JMJD1C: variants seen among roughly 807,000 people sequenced by gnomAD.
The protein encoded by JMJD1C is jumonji domain-containing protein 1C.
Under a neutral mutation model 245.3 loss-of-function variants are expected in JMJD1C, and 31 were observed. The observed-to-expected ratio is 0.13, with a 90% confidence interval of 0.09 to 0.17. The LOEUF is 0.17. JMJD1C is among the 10% of genes least tolerant of loss of function. The pLI, the probability that JMJD1C is intolerant of heterozygous loss-of-function variation, is 1.00. For synonymous variants in JMJD1C, 1,057 were observed against 1,017.4 expected (o/e 1.04, Z -0.74); for missense variants, 2,691 against 3,000.2 (o/e 0.90, Z 2.41).
At chr10:63,236,235 T>C (rs1850717322) in intron 3 of JMJD1C, among the ~76,000 whole-genome samples, 1 of 152,160 alleles carries the variant, frequency 6.6e-6, no homozygotes, top group Non-Finnish European at 1.5e-5. Flanking sequence ...CTGAAACCTA[T>C]CTTTCATAAC....
At chr10:63,495,463 A>G (rs1157840649) in intron 1 of JMJD1C, among the ~76,000 whole-genome samples, 2 of 151,990 alleles carry the variant, frequency 1.3e-5, no homozygotes, top group Non-Finnish European at 2.9e-5. Context: ...ACTCTAAGGA[A>G]ACAGTTCATT....
intron 3 of JMJD1C, among the ~76,000 whole-genome samples, chr10:63,247,137 ACAG>A (rs1852325130): frequency 6.6e-6 from 1 of 151,170 alleles, no homozygotes; most frequent in Non-Finnish European, 1.5e-5. Context: ...AAAACAAAAA[ACAG>A]AAGAAAATTT....
intron 1 of JMJD1C, among the ~76,000 whole-genome samples, chr10:63,506,124 A>G (rs1210820213): frequency 6.6e-6 from 1 of 152,212 alleles, no homozygotes; most frequent in Non-Finnish European, 1.5e-5. Context: ...GCCAAAATTT[A>G]TTAACATGTG....
intron 3 of JMJD1C, among the ~76,000 whole-genome samples, chr10:63,263,702 C>T (rs752377930): frequency 5.3e-5 from 8 of 151,976 alleles, no homozygotes; most frequent in Non-Finnish European, 5.9e-5. Context: ...GAGGCCGAGG[C>T]GGGCAGACCA....
intron 3 of JMJD1C, among the ~76,000 whole-genome samples, chr10:63,221,679 C>A (rs1848611634): frequency 6.6e-6 from 1 of 152,190 alleles, no homozygotes; most frequent in South Asian, 2.1e-4. Flanking sequence ...TTAATGCACA[C>A]CAGCTGACAG....
chr10:63,411,750 G>A lies in JMJD1C; in HGVS notation c.169-31268C>T, dbSNP rs920449587. Among the ~76,000 whole-genome samples, 8 of 151,534 alleles carry A rather than the reference G, an allele frequency of 5.3e-5. No individual in the cohort carries two copies. The South Asian group carries it at 8.3e-4, about 16-fold the overall frequency. ...CCTAAGTAGCTGGGACTACAGGTGC[G>A]TGCCACCATGCCCAGCTAAGTTTTT... On this transcript the variant is annotated intron_variant, in intron 1 of 25. Coordinates refer to ENST00000399262, the MANE Select transcript of JMJD1C (RefSeq NM_032776.3).
intron 1 of JMJD1C, among the ~76,000 whole-genome samples, chr10:63,477,117 G>C (rs1436493212): frequency 3.9e-5 from 6 of 152,086 alleles, no homozygotes; most frequent in Non-Finnish European, 8.8e-5. Context: ...CCATGCATCA[G>C]TATTAATAAT....
In JMJD1C at chr10:63,281,128, G is replaced by A. The variant is rs372874737; in HGVS notation, c.334-16364C>T. Among the ~76,000 whole-genome samples the A allele has an allele frequency of 3.5e-4, 50 of 142,518 alleles. 1 individual carries two copies. In the South Asian group the frequency reaches 9.7e-3, roughly 28 times the overall value. 93.5% of individuals were successfully genotyped at this position (142,518 alleles called of 152,430 possible). A position where few individuals can be genotyped will look rare whatever the true frequency, so the allele number is the denominator to read the frequency against. ...ATTACAGGCGTGAGCCACCACACCCGGCCTTTTTTTTTTTTTTTTTGAGAT... is the reference window on the plus strand; with the variant it reads ...ATTACAGGCGTGAGCCACCACACCCAGCCTTTTTTTTTTTTTTTTTGAGAT... On this transcript the variant is annotated intron_variant, in intron 2 of 25. Coordinates refer to ENST00000399262, the MANE Select transcript of JMJD1C (RefSeq NM_032776.3).
chr10:63,476,166 C>T (rs1202799448), intron 1 of JMJD1C, among the ~76,000 whole-genome samples: 1 of 151,526 alleles, frequency 6.6e-6, no homozygotes, highest in African/African-American at 2.4e-5. Flanking sequence ...GCCGAGATTG[C>T]ACCACCGCAC....
intron 1 of JMJD1C, among the ~76,000 whole-genome samples, chr10:63,389,783 C>A (rs775063887): frequency 6.6e-6 from 1 of 152,010 alleles, no homozygotes; most frequent in Non-Finnish European, 1.5e-5. Context: ...ACAACATGCT[C>A]CTAAATGACC....
At chr10:63,182,555 A>G (rs866686903) in intron 22 of JMJD1C, among the ~76,000 whole-genome samples, 2 of 152,228 alleles carry the variant, frequency 1.3e-5, no homozygotes, top group South Asian at 4.1e-4. Flanking sequence ...TCTTTCGAGA[A>G]AGAAAAAATC....
intron 1 of JMJD1C, among the ~76,000 whole-genome samples, chr10:63,457,959 A>T (rs1564940786): frequency 6.6e-6 from 1 of 152,204 alleles, no homozygotes. Context: ...TTCTATAATT[A>T]AATCAATAGT....
intron 2 of JMJD1C, among the ~76,000 whole-genome samples, chr10:63,272,402 C>CAT (rs770416584): frequency 6.6e-6 from 1 of 152,080 alleles, no homozygotes; most frequent in Non-Finnish European, 1.5e-5. Flanking sequence ...CAGGTGCACG[C>CAT]CACCACGCCC....
intron 13 of JMJD1C, among the ~76,000 whole-genome samples, chr10:63,197,149 T>C (rs1309668446): frequency 2.0e-5 from 3 of 151,964 alleles, no homozygotes; most frequent in African/African-American, 7.3e-5. Context: ...TAACCTAAAT[T>C]TGGGCTACAT....
At chr10:63,272,242 GATCCAGAAGGTAACTTT>G (rs1856396167) in intron 2 of JMJD1C, among the ~76,000 whole-genome samples, 1 of 152,104 alleles carries the variant, frequency 6.6e-6, no homozygotes, top group Non-Finnish European at 1.5e-5. Flanking sequence ...GAACATGCAT[GATCCAGAAGGTAACTTT>G]ATTTTTTTGA....
intron 1 of JMJD1C, among the ~76,000 whole-genome samples, chr10:63,511,022 G>GAT (rs1159129306): frequency 6.6e-6 from 1 of 152,196 alleles, no homozygotes; most frequent in Non-Finnish European, 1.5e-5. Context: ...ATGTTAGCAT[G>GAT]ATATATCTTT....
intron 1 of JMJD1C, among the ~76,000 whole-genome samples, chr10:63,463,442 C>T (rs1952940835): frequency 6.6e-6 from 1 of 152,202 alleles, no homozygotes; most frequent in South Asian, 2.1e-4. Context: ...GTTGGGTTTA[C>T]AGGCGTGAGC....
At chr10:63,180,751 C>A (rs1297908311) in intron 22 of JMJD1C, among the ~76,000 whole-genome samples, 1 of 149,408 alleles carries the variant, frequency 6.7e-6, no homozygotes. Flanking sequence ...TACAGGCATA[C>A]ACCACCATGC....
chr10:63,384,999 C>T (rs1458330909), intron 1 of JMJD1C, among the ~76,000 whole-genome samples: 2 of 152,160 alleles, frequency 1.3e-5, no homozygotes, highest in Admixed American at 6.5e-5. Flanking sequence ...AGATGTGTGA[C>T]TATTCCTTTC....
Sources: allele counts gnomAD v4.1 joint callset (sites outside exome capture counted in the v4.1 genomes callset), GRCh38; gene constraint gnomAD v4.1.1; transcripts MANE v1.5; gene names NCBI Gene and HGNC (gene_info 2026-07-23, HGNC 2026-07-21).